CHD9: variants seen among roughly 807,000 people sequenced by gnomAD.
The protein encoded by CHD9 is ATP-dependent chromatin remodeler CHD9.
A neutral mutation model predicts 316.1 loss-of-function variants in CHD9; 77 were observed. The observed-to-expected ratio is 0.24, with a 90% CI of 0.20 to 0.29. The LOEUF (loss-of-function observed/expected upper bound fraction) is 0.29, where lower values mean the gene tolerates loss of function less well. Ranked by LOEUF, CHD9 falls within the 10% of genes least tolerant of loss-of-function variation. The probability of loss-of-function intolerance (pLI) is 1.00; values close to 1 mark genes in which losing one functional copy is unlikely to be tolerated. For synonymous variants in CHD9, 1,129 were observed against 1,158.3 expected (o/e 0.97, Z 0.51); for missense variants, 2,763 against 3,438.1 (o/e 0.80, Z 4.91).
intron 1 of CHD9, among the ~76,000 whole-genome samples, chr16:53,114,357 A>G (rs989309350): frequency 6.6e-6 from 1 of 151,634 alleles, no homozygotes; most frequent in Admixed American, 6.6e-5. Flanking sequence ...TCCCAGGTTC[A>G]AGTGATTCTT....
At chr16:53,247,205 C>T in intron 15 of CHD9, 88 bp from the exon 16 acceptor site, 1 of 874,818 alleles carries the variant, frequency 1.1e-6, no homozygotes, top group East Asian at 2.7e-5. Context: ...CAGAAGCACA[C>T]AGGAGCACTA....
At chr16:53,113,163 G>A (rs2037999515) in intron 1 of CHD9, among the ~76,000 whole-genome samples, 1 of 152,116 alleles carries the variant, frequency 6.6e-6, no homozygotes, top group African/African-American at 2.4e-5. Context: ...CAGCTTAGGT[G>A]ACAGAGCGAG....
In CHD9 at chr16:53,183,939, AT is replaced by A. The variant is rs1000514484; in HGVS notation, c.1453-25530del. 3.7e-3 allele frequency among the ~76,000 whole-genome samples: 541 copies of A among 145,478 alleles called. 3 individuals carry two copies. Among genetic ancestry groups the A allele is most frequent in the African/African-American group, 9.4e-3 (374 of 39,868 alleles). On this transcript the variant is annotated intron_variant, in intron 2 of 38. Transcript: ENST00000447540. Reference sequence around the variant, plus strand: ...ATTGTTTTTCACAGGTACCTGGCTAATTTTTTTTTTTTTCTTTTTTTTTGAG... The same window carrying A: ...ATTGTTTTTCACAGGTACCTGGCTAATTTTTTTTTTTTCTTTTTTTTTGAG...
chr16:53,087,987 T>C (rs2035609873), intron 1 of CHD9, among the ~76,000 whole-genome samples: 1 of 152,062 alleles, frequency 6.6e-6, no homozygotes, highest in South Asian at 2.1e-4. Flanking sequence ...AAGATACTTT[T>C]GAGCAAAACA....
chr16:53,194,227 TA>T lies in CHD9; in HGVS notation c.1453-15241del, dbSNP rs78058461. On this transcript the variant is annotated intron_variant, in intron 2 of 38. Coordinates refer to ENST00000447540, the MANE Select transcript of CHD9 (RefSeq NM_001308319.2). ...GGCAACAGAGCGAGACCCTGCCTCT[TA>T]AAAAAAAAAAAAAGTCTAAAAAAAC... Among the ~76,000 whole-genome samples, 962 of 136,438 alleles carry T rather than the reference TA, an allele frequency of 7.1e-3. 3 individuals are homozygous for T. Among genetic ancestry groups the T allele is most frequent in the African/African-American group, 0.011 (396 of 37,226 alleles). The allele number at this position is 136,438 out of a possible 152,430, so 89.5% of individuals were successfully genotyped here.
intron 2 of CHD9, among the ~76,000 whole-genome samples, chr16:53,190,856 AAGAAG>A (rs898521650): frequency 2.3e-4 from 35 of 152,238 alleles, no homozygotes; most frequent in African/African-American, 6.5e-4. Context: ...AAACTAATAA[AAGAAG>A]AGGAGTTATT....
At chr16:53,104,178 T>C (rs1030390034) in intron 1 of CHD9, among the ~76,000 whole-genome samples, 2 of 152,232 alleles carry the variant, frequency 1.3e-5, no homozygotes, top group African/African-American at 4.8e-5. Flanking sequence ...AACTCTGACA[T>C]TTTATTTTTT....
chr16:53,256,912 C>G (rs1362440), intron 19 of CHD9, among the ~76,000 whole-genome samples: 42,278 of 151,852 alleles, frequency 0.28, 5,968 homozygotes, highest in Middle Eastern at 0.32. Context: ...AAGATACCAG[C>G]CTTCAAATAG....
intron 1 of CHD9, among the ~76,000 whole-genome samples, chr16:53,131,799 C>T (rs914571919): frequency 6.6e-6 from 1 of 152,156 alleles, no homozygotes. Flanking sequence ...GGGACGTCCC[C>T]GGCGCTTTCC....
intron 1 of CHD9, among the ~76,000 whole-genome samples, chr16:53,127,148 G>T (rs998527236): frequency 2.0e-5 from 3 of 151,958 alleles, no homozygotes; most frequent in Admixed American, 1.3e-4. Context: ...GTTTTGCAGA[G>T]ATAAGGTTTT....
intron 2 of CHD9, among the ~76,000 whole-genome samples, chr16:53,185,034 T>G (rs1364360242): frequency 6.6e-6 from 1 of 152,200 alleles, no homozygotes; most frequent in African/African-American, 2.4e-5. Flanking sequence ...TACCCAGTTT[T>G]GGGAAGTTCT....
intron 37 of CHD9, chr16:53,319,747 A>G: frequency 2.3e-6 from 2 of 863,990 alleles, no homozygotes; most frequent in South Asian, 3.6e-5. Flanking sequence ...TTGTAACTTC[A>G]TGAGAGGTTT....
At chr16:53,092,528 T>G (rs572652260) in intron 1 of CHD9, among the ~76,000 whole-genome samples, 1 of 152,260 alleles carries the variant, frequency 6.6e-6, no homozygotes, top group South Asian at 2.1e-4. Context: ...CCAAACACCC[T>G]TTTGCCCTCC....
chr16:53,212,054 T>C (rs2046372624), intron 3 of CHD9, among the ~76,000 whole-genome samples: 2 of 152,176 alleles, frequency 1.3e-5, no homozygotes, highest in African/African-American at 2.4e-5. Flanking sequence ...ATTATTGATA[T>C]TAGTTAATTT....
chr16:53,143,295 C>T (rs73599547), intron 1 of CHD9, among the ~76,000 whole-genome samples: 5,829 of 151,960 alleles, frequency 0.038, 383 homozygotes, highest in African/African-American at 0.13. Context: ...ATGTGGAATA[C>T]ATGGCATTAA....
chr16:53,158,022 C>G (rs2041642286), intron 2 of CHD9, among the ~76,000 whole-genome samples: 1 of 151,674 alleles, frequency 6.6e-6, no homozygotes, highest in East Asian at 1.9e-4. Flanking sequence ...TAAACAAAAC[C>G]AGAATAATAT....
Position 53,238,460 on chromosome 16 carries a change from T to G in CHD9, c.2751T>G (p.Leu917=), listed in dbSNP as rs776539054. 2 of 1,613,498 alleles carry G rather than the reference T, an allele frequency of 1.2e-6. No homozygotes were observed. The highest frequency in any genetic ancestry group is 3.3e-5 in the Admixed American group (2 of 59,998). Residue 917 remains leucine (L), a synonymous_variant, in exon 12 of 39, where the codon CTT becomes CTG. Coordinates refer to ENST00000447540, the MANE Select transcript of CHD9 (RefSeq NM_001308319.2). Reference sequence around the variant, plus strand: ...GACCTTTCCTGATTATTGCTCCACTTTCTACTATTGCAAACTGGGAGAGAG... The same window carrying G: ...GACCTTTCCTGATTATTGCTCCACTGTCTACTATTGCAAACTGGGAGAGAG... ...IRGPFLIIAP[L]STIANWEREF... is the part of the protein sequence containing the mutation.
chr16:53,128,891 T>A (rs1293814483), intron 1 of CHD9, among the ~76,000 whole-genome samples: 1 of 152,180 alleles, frequency 6.6e-6, no homozygotes, highest in Non-Finnish European at 1.5e-5. Flanking sequence ...AGTTTATCGA[T>A]GTCCAAGTTC....
chr16:53,171,830 CCACA>C (rs71380026), intron 2 of CHD9, among the ~76,000 whole-genome samples: 5,601 of 135,286 alleles, frequency 0.041, 144 homozygotes, highest in Middle Eastern at 0.082. Context: ...ACAAACAAAA[CCACA>C]CACACACACA....
Sources: gnomAD v4.1 joint callset for allele counts (sites outside exome capture counted in the v4.1 genomes callset) on GRCh38, gnomAD v4.1.1 for gene constraint, MANE v1.5 for transcripts, NCBI Gene and HGNC (gene_info 2026-07-23, HGNC 2026-07-21) for gene names.